Variants in KCNH1 observed in about 807,000 individuals in gnomAD.
KCNH1 encodes the protein voltage-gated delayed rectifier potassium channel KCNH1.
Under a neutral mutation model 69.2 loss-of-function variants are expected in KCNH1, and 27 were observed. The ratio of observed to expected loss-of-function variants is 0.39; its 90% CI spans 0.29 to 0.54. The LOEUF is 0.54. KCNH1 is among the 20% of genes least tolerant of loss of function. The pLI, the probability that KCNH1 is intolerant of heterozygous loss-of-function variation, is 0.68. For missense variants in KCNH1, 798 were observed against 1,261.6 expected (o/e 0.63, Z 5.57); for synonymous variants, 456 against 487.7 (o/e 0.93, Z 0.86).
intron 7 of KCNH1, among the ~76,000 whole-genome samples, chr1:210,805,020 C>T (rs1386629710): frequency 6.6e-6 from 1 of 152,196 alleles, no homozygotes; most frequent in South Asian, 2.1e-4. Context: ...ATGCTGAGCT[C>T]AAGAGCCACT....
chr1:210,965,337 T>C (rs1228768366), intron 6 of KCNH1, among the ~76,000 whole-genome samples: 1 of 152,158 alleles, frequency 6.6e-6, no homozygotes, highest in Non-Finnish European at 1.5e-5. Flanking sequence ...GACATGATTG[T>C]ATATTTAAAA....
intron 10 of KCNH1, among the ~76,000 whole-genome samples, chr1:210,703,209 C>A (rs1681826084): frequency 6.6e-6 from 1 of 152,176 alleles, no homozygotes; most frequent in Non-Finnish European, 1.5e-5. Flanking sequence ...TGGGAAAATA[C>A]TTGTAATTTA....
chr1:210,920,214 A>T, intron 6 of KCNH1, 145 bp from the exon 7 acceptor site: 1 of 689,442 alleles, frequency 1.5e-6, no homozygotes, highest in Non-Finnish European at 2.4e-6. Flanking sequence ...GTAAAATTAG[A>T]ATTTTATTCC....
intron 5 of KCNH1, among the ~76,000 whole-genome samples, chr1:211,038,398 C>T (rs1015376521): frequency 9.9e-5 from 15 of 152,088 alleles, no homozygotes; most frequent in East Asian, 1.9e-4. Flanking sequence ...AGCATGAAAA[C>T]GGACTAATAC....
chr1:211,086,894 T>C (rs1214293530), intron 4 of KCNH1, among the ~76,000 whole-genome samples: 3 of 152,160 alleles, frequency 2.0e-5, no homozygotes, highest in African/African-American at 7.2e-5. Flanking sequence ...GGACACAAGG[T>C]ACAGCATGGA....
chr1:211,044,431 A>C (rs912741649), intron 5 of KCNH1, among the ~76,000 whole-genome samples: 13 of 152,228 alleles, frequency 8.5e-5, no homozygotes, highest in Non-Finnish European at 1.5e-4. Context: ...TAAACTAAAG[A>C]GCCTTTGCAC....
chr1:211,095,205 C>A (rs1691124768), intron 3 of KCNH1, among the ~76,000 whole-genome samples: 1 of 152,168 alleles, frequency 6.6e-6, no homozygotes, highest in Non-Finnish European at 1.5e-5. Flanking sequence ...TGCCTCCTTA[C>A]CCAAGTGCCT....
At chr1:211,116,628 G>A (rs113252817) in intron 1 of KCNH1, among the ~76,000 whole-genome samples, 1 of 152,152 alleles carries the variant, frequency 6.6e-6, no homozygotes, top group Non-Finnish European at 1.5e-5. Flanking sequence ...ACTGTTGGTA[G>A]CTACATCAAG....
chr1:211,056,687 G>A (rs940013817), intron 5 of KCNH1, among the ~76,000 whole-genome samples: 3 of 152,120 alleles, frequency 2.0e-5, no homozygotes, highest in South Asian at 2.1e-4. Flanking sequence ...CAGGTAGCTC[G>A]GCACAGAAAG....
At chr1:210,738,893 C>T (rs1682947877) in intron 10 of KCNH1, among the ~76,000 whole-genome samples, 1 of 152,150 alleles carries the variant, frequency 6.6e-6, no homozygotes, top group Non-Finnish European at 1.5e-5. Context: ...CAGCCTGATT[C>T]ATCAGCTATA....
intron 7 of KCNH1, chr1:210,859,883 G>A: frequency 1.6e-6 from 2 of 1,246,446 alleles, no homozygotes; most frequent in South Asian, 1.2e-5. Flanking sequence ...GATTTTCTAA[G>A]GTATTTAGTA....
At chr1:210,992,583 TA>T (rs1020951954) in intron 6 of KCNH1, among the ~76,000 whole-genome samples, 30 of 152,190 alleles carry the variant, frequency 2.0e-4, no homozygotes, top group African/African-American at 7.2e-4. Context: ...TTTTTTAACA[TA>T]TTTTTTTGGA....
intron 10 of KCNH1, among the ~76,000 whole-genome samples, chr1:210,767,812 C>A (rs894988960): frequency 2.0e-5 from 3 of 152,128 alleles, no homozygotes; most frequent in Non-Finnish European, 2.9e-5. Flanking sequence ...CTAAGCTAGG[C>A]CAGATCTTTT....
chr1:210,975,127 G>A (rs1256678589), intron 6 of KCNH1, among the ~76,000 whole-genome samples: 1 of 151,980 alleles, frequency 6.6e-6, no homozygotes, highest in East Asian at 1.9e-4. Context: ...ACTTCACTTG[G>A]TATATTTTAT....
intron 10 of KCNH1, among the ~76,000 whole-genome samples, chr1:210,773,775 G>A (rs1311245702): frequency 2.0e-5 from 3 of 152,110 alleles, no homozygotes; most frequent in East Asian, 1.9e-4. Context: ...GCACTTCTAC[G>A]CATTTATCTT....
chr1:210,810,186 G>A (rs1236310170), intron 7 of KCNH1, among the ~76,000 whole-genome samples: 3 of 152,052 alleles, frequency 2.0e-5, no homozygotes, highest in Non-Finnish European at 4.4e-5. Context: ...AGCTTAGCTT[G>A]GTGTAGAATT....
chr1:210,941,591 A>G lies in KCNH1; in HGVS notation c.1033-21522T>C, dbSNP rs182142921. Among the ~76,000 whole-genome samples, 112 of 152,288 alleles carry G rather than the reference A, an allele frequency of 7.4e-4. 1 individual carries two copies. The highest frequency in any genetic ancestry group is 2.2e-3 in the African/African-American group (93 of 41,576). On this transcript the variant is annotated intron_variant, in intron 6 of 10. Transcript: ENST00000271751. ...ACTACCTCACATGTTGGGCAAACCAAAGCTCTGCGAGGCAGAGCACCCTCA... is the reference window on the plus strand; with the variant it reads ...ACTACCTCACATGTTGGGCAAACCAGAGCTCTGCGAGGCAGAGCACCCTCA...
intron 8 of KCNH1, among the ~76,000 whole-genome samples, chr1:210,801,410 C>A (rs1684423200): frequency 1.3e-5 from 2 of 152,194 alleles, no homozygotes; most frequent in South Asian, 4.1e-4. Flanking sequence ...AGCTCCTGCC[C>A]AGAGGAGCAG....
chr1:210,737,137 G>C (rs1682899694), intron 10 of KCNH1, among the ~76,000 whole-genome samples: 1 of 152,154 alleles, frequency 6.6e-6, no homozygotes, highest in Non-Finnish European at 1.5e-5. Flanking sequence ...ATTTTCACTA[G>C]AGTATTTCCA....
Sources: allele counts gnomAD v4.1 joint callset (sites outside exome capture counted in the v4.1 genomes callset), GRCh38; gene constraint gnomAD v4.1.1; transcripts MANE v1.5; gene names NCBI Gene and HGNC (gene_info 2026-07-23, HGNC 2026-07-21).